NRXN1: variants seen among roughly 807,000 people sequenced by gnomAD.
NRXN1 encodes neurexin-1.
Under a neutral mutation model 150.9 loss-of-function variants are expected in NRXN1, and 39 were observed. The observed-to-expected ratio is 0.26, with a 90% CI of 0.20 to 0.34. NRXN1 has a LOEUF of 0.34. Ranked by LOEUF, NRXN1 falls within the 10% of genes least tolerant of loss-of-function variation. The pLI is 1.00. For synonymous variants in NRXN1, 924 were observed against 757.0 expected (o/e 1.22, Z -3.62); for missense variants, 1,815 against 1,949.9 (o/e 0.93, Z 1.30).
intron 17 of NRXN1, among the ~76,000 whole-genome samples, chr2:50,333,111 C>T (rs1328192311): frequency 1.3e-5 from 2 of 152,152 alleles, no homozygotes; most frequent in Non-Finnish European, 2.9e-5. Flanking sequence ...AGAATCCCTG[C>T]AGAATCATTG....
chr2:50,613,234 T>C (rs1678481495), intron 8 of NRXN1, among the ~76,000 whole-genome samples: 1 of 152,162 alleles, frequency 6.6e-6, no homozygotes, highest in Non-Finnish European at 1.5e-5. Context: ...CCAGCCTCTC[T>C]CTGAGTCACT....
intron 1 of NRXN1, among the ~76,000 whole-genome samples, chr2:51,031,512 C>T (rs1489321056): frequency 6.6e-6 from 1 of 151,972 alleles, no homozygotes; most frequent in Non-Finnish European, 1.5e-5. Flanking sequence ...TTATTTCACC[C>T]CTGGCTTTTG....
At chr2:50,605,405 G>A (rs1292677092) in intron 8 of NRXN1, among the ~76,000 whole-genome samples, 1 of 152,176 alleles carries the variant, frequency 6.6e-6, no homozygotes, top group East Asian at 1.9e-4. Flanking sequence ...ATTTGGAGGA[G>A]TTGCCCTATT....
chr2:50,399,986 G>C (rs746105289), intron 17 of NRXN1, among the ~76,000 whole-genome samples: 1 of 151,806 alleles, frequency 6.6e-6, no homozygotes, highest in South Asian at 2.1e-4. Context: ...TTGTGGTTAG[G>C]AGACATGAGT....
chr2:50,860,946 C>A (rs1676045378), intron 5 of NRXN1, among the ~76,000 whole-genome samples: 1 of 152,102 alleles, frequency 6.6e-6, no homozygotes, highest in South Asian at 2.1e-4. Flanking sequence ...TCTCTCAAAG[C>A]ATAATTAAAA....
At chr2:50,058,782 TGGTTTTATA>T (rs1230772966) in intron 19 of NRXN1, among the ~76,000 whole-genome samples, 12 of 152,110 alleles carry the variant, frequency 7.9e-5, no homozygotes, top group Admixed American at 6.5e-4. Context: ...CAAGACCTGA[TGGTTTTATA>T]AATGGCAGTT....
chr2:50,425,450 T>C (rs934314677), intron 17 of NRXN1, among the ~76,000 whole-genome samples: 3 of 152,142 alleles, frequency 2.0e-5, no homozygotes, highest in Non-Finnish European at 4.4e-5. Context: ...AACCTGCAAG[T>C]TATTGTTTGT....
At chr2:50,354,586 T>TATATATATATATATATATACAC (rs1273118975) in intron 17 of NRXN1, among the ~76,000 whole-genome samples, 1 of 124,844 alleles carries the variant, frequency 8.0e-6, no homozygotes, top group African/African-American at 2.9e-5. Context: ...TATATATATA[T>TATATATATATATATATATACAC]ACACACACAC....
intron 5 of NRXN1, among the ~76,000 whole-genome samples, chr2:50,859,938 T>A (rs138711134): frequency 6.6e-6 from 1 of 151,996 alleles, no homozygotes; most frequent in African/African-American, 2.4e-5. Flanking sequence ...ATTGGATACA[T>A]ATTTATAAAT....
chr2:50,363,886 T>C (rs1558603010), intron 17 of NRXN1, among the ~76,000 whole-genome samples: 1 of 152,200 alleles, frequency 6.6e-6, no homozygotes, highest in Non-Finnish European at 1.5e-5. Flanking sequence ...TGTGCACATA[T>C]ACACCATGGA....
intron 17 of NRXN1, among the ~76,000 whole-genome samples, chr2:50,380,622 G>A (rs890793708): frequency 6.6e-6 from 1 of 152,008 alleles, no homozygotes; most frequent in Admixed American, 6.6e-5. Flanking sequence ...GATTGTGTGA[G>A]GATTGAATAA....
At chr2:50,164,947 T>A (rs1283098850) in intron 18 of NRXN1, among the ~76,000 whole-genome samples, 1 of 152,146 alleles carries the variant, frequency 6.6e-6, no homozygotes, top group Non-Finnish European at 1.5e-5. Context: ...ATTTAATACA[T>A]GATCCCTGTG....
chr2:50,921,240 A>T lies in NRXN1; in HGVS notation c.832+629T>A, dbSNP rs151093017. ...ACACATGCTTCTGGATTTCGTACCA[A>T]CATCATCAAAGAGTACACATGCCTG... On this transcript the variant is annotated intron_variant, in intron 5 of 22. Coordinates refer to ENST00000401669, the MANE Select transcript of NRXN1 (RefSeq NM_001330078.2). 2.8e-4 allele frequency among the ~76,000 whole-genome samples: 43 copies of T among 151,908 alleles called. No homozygotes were observed. In the East Asian group the frequency reaches 8.0e-3, roughly 28 times the overall value.
At chr2:49,925,072 A>C (rs1002169113) in intron 22 of NRXN1, among the ~76,000 whole-genome samples, 14 of 152,200 alleles carry the variant, frequency 9.2e-5, no homozygotes, top group Non-Finnish European at 1.9e-4. Context: ...CGAGTGGATC[A>C]CGAGGTCAAG....
At chr2:50,551,050 G>GAAGAAGAAGAAGAAGAAGAA (rs1553775723) in intron 9 of NRXN1, among the ~76,000 whole-genome samples, 30 of 78,992 alleles carry the variant, frequency 3.8e-4, no homozygotes, top group East Asian at 1.0e-3. Context: ...AAGAGGAAGA[G>GAAGAAGAAGAAGAAGAAGAA]GAAGAAGAAG....
chr2:50,449,576 G>C (rs751612570), intron 17 of NRXN1, among the ~76,000 whole-genome samples: 1 of 152,154 alleles, frequency 6.6e-6, no homozygotes, highest in Non-Finnish European at 1.5e-5. Context: ...TCTTTAGTAA[G>C]CTTGCAGGTG....
At chr2:50,915,145 T>A (rs1403924699) in intron 5 of NRXN1, among the ~76,000 whole-genome samples, 1 of 151,630 alleles carries the variant, frequency 6.6e-6, no homozygotes, top group East Asian at 1.9e-4. Flanking sequence ...TTGAAGTATG[T>A]GAGAATACTA....
chr2:50,090,218 T>C lies in NRXN1; in HGVS notation c.3718+1105A>G, dbSNP rs574614156. Among the ~76,000 whole-genome samples the C allele has an allele frequency of 1.3e-4, 20 of 152,328 alleles. No homozygotes were observed. In the East Asian group the frequency reaches 2.9e-3, roughly 22 times the overall value. On this transcript the variant is annotated intron_variant, in intron 19 of 22. Coordinates refer to ENST00000401669, the MANE Select transcript of NRXN1 (RefSeq NM_001330078.2). ...CCAGAAAAGGTCCAGAAGGGTATTATAGACATTTCATTCCACAATTGTGAG... is the reference window on the plus strand; with the variant it reads ...CCAGAAAAGGTCCAGAAGGGTATTACAGACATTTCATTCCACAATTGTGAG...
At chr2:50,809,915 C>T (rs1490541351) in intron 5 of NRXN1, among the ~76,000 whole-genome samples, 1 of 152,130 alleles carries the variant, frequency 6.6e-6, no homozygotes, top group Non-Finnish European at 1.5e-5. Context: ...TGTCAATTTT[C>T]TATATAAAAA....
Sources: allele counts gnomAD v4.1 joint callset (sites outside exome capture counted in the v4.1 genomes callset), GRCh38; gene constraint gnomAD v4.1.1; transcripts MANE v1.5; gene names NCBI Gene and HGNC (gene_info 2026-07-23, HGNC 2026-07-21).